TTLL10: variants seen among roughly 807,000 people sequenced by gnomAD.
TTLL10 encodes the protein inactive polyglycylase TTLL10.
TTLL10 carries 61 observed loss-of-function variants against 69.0 expected under a neutral mutation model. The observed-to-expected ratio is 0.88, with a 90% CI of 0.72 to 1.09. The LOEUF (loss-of-function observed/expected upper bound fraction) is 1.09, where lower values mean the gene tolerates loss of function less well. Among genes scored for constraint, TTLL10 ranks in the 50% least tolerant of loss-of-function variants. TTLL10 has a pLI of 0.00. For synonymous variants in TTLL10, 408 were observed against 393.3 expected, an observed-to-expected ratio of 1.04 and a Z score of -0.44; for missense variants, 962 against 945.9, an observed-to-expected ratio of 1.02 and a Z score of -0.22.
Position 1,181,302 on chromosome 1 carries a change from C to G in TTLL10, c.756-439C>G, listed in dbSNP as rs1213859853. 6.6e-6 allele frequency among the ~76,000 whole-genome samples: 1 copy of G among 151,950 alleles called. No individual in the cohort carries two copies. Among genetic ancestry groups the G allele is most frequent in the Non-Finnish European group, 1.5e-5 (1 of 67,988 alleles). ...ATCCAATCCATCCACAATCCCACAC[C>G]GTGCCCACCGTCACCTGTGGGTGCC... On this transcript the variant is annotated intron_variant, in intron 8 of 15. Coordinates refer to ENST00000379289, the MANE Select transcript of TTLL10 (RefSeq NM_001130045.2). The surrounding 1 kb of genome is among the most constrained non-coding windows in gnomAD (Gnocchi z 4.6).
rs1570413184 is a variant in TTLL10 at position 1,181,508 on chromosome 1, A to G, written c.756-233A>G. The stretch of plus-strand genomic sequence containing the variant: ...GCCAACCGCAGCTGCCTCCATCTGC[A>G]CCCCCCGCCCCTGGTTGCCTGTGAC... On this transcript the variant is annotated intron_variant, in intron 8 of 15. Coordinates refer to ENST00000379289, the MANE Select transcript of TTLL10 (RefSeq NM_001130045.2). This position sits in a 1 kb window ranked among gnomAD's most constrained non-coding sequence, Gnocchi z 4.6. 6.6e-6 allele frequency among the ~76,000 whole-genome samples: 1 copy of G among 150,696 alleles called. No individual in the cohort carries two copies. Among genetic ancestry groups the G allele is most frequent in the African/African-American group, 2.4e-5 (1 of 40,902 alleles).
chr1:1,179,639 G>A lies in TTLL10; in HGVS notation c.119-18G>A, dbSNP rs1344263056. 6.4e-7 allele frequency: 1 copy of A among 1,550,814 alleles called. No individual in the cohort carries two copies. Among genetic ancestry groups the A allele is most frequent in the Admixed American group, 2.0e-5 (1 of 50,994 alleles). On this transcript the variant is annotated intron_variant, in intron 4 of 15. Transcript: ENST00000379289. The stretch of plus-strand genomic sequence containing the variant: ...CACCCATGACATCATCATGGACATT[G>A]TGACCCCTGCCCTCCAGGGACCATC...
intron 3 of TTLL10, among the ~76,000 whole-genome samples, chr1:1,177,059 T>C (rs1041413683): frequency 2.0e-5 from 3 of 146,764 alleles, no homozygotes; most frequent in Non-Finnish European, 4.4e-5. Context: ...TGTGTGGGTG[T>C]CTGTGTGTGT....
At chr1:1,196,778 C>A (rs934578587) in intron 14 of TTLL10, 62 bp downstream of exon 14, 2 of 1,171,834 alleles carry the variant, frequency 1.7e-6, no homozygotes. Context: ...GCCATCTGTA[C>A]ACCCTGACCA....
chr1:1,185,362 C>A lies in TTLL10; in HGVS notation c.1401+253C>A, dbSNP rs1647241825. 1 of 1,349,690 alleles carries A rather than the reference C, an allele frequency of 7.4e-7. No homozygotes were observed. The highest frequency in any genetic ancestry group is 9.5e-7 in the Non-Finnish European group (1 of 1,053,818). The allele number at this position is 1,349,690 out of a possible 1,614,324, so 83.6% of individuals were successfully genotyped here. On this transcript the variant is annotated intron_variant, in intron 13 of 15. Coordinates refer to ENST00000379289, the MANE Select transcript of TTLL10 (RefSeq NM_001130045.2). The surrounding 1 kb of genome is among the most constrained non-coding windows in gnomAD (Gnocchi z 6.1). ...TGTCGGCACGAGTCCCGCGGGCAGCCTCGCCGTAGGGTCAGGGGACAGCTC... is the reference window on the plus strand; with the variant it reads ...TGTCGGCACGAGTCCCGCGGGCAGCATCGCCGTAGGGTCAGGGGACAGCTC...
chr1:1,193,937 C>G (rs1211449370), intron 13 of TTLL10, among the ~76,000 whole-genome samples: 1 of 152,062 alleles, frequency 6.6e-6, no homozygotes, highest in African/African-American at 2.4e-5. Flanking sequence ...GCAAGAAGAT[C>G]ATATGAGGCC....
At chr1:1,197,403 C>A (rs1186334713) in intron 15 of TTLL10, 35 bp from the exon 16 acceptor site, 2 of 1,129,432 alleles carry the variant, frequency 1.8e-6, no homozygotes, top group Non-Finnish European at 2.4e-6. Flanking sequence ...CCAGCCTCTG[C>A]CCCCCACTCA....
chr1:1,187,645 A>T (rs1647442946), intron 13 of TTLL10, among the ~76,000 whole-genome samples: 3 of 151,070 alleles, frequency 2.0e-5, no homozygotes. Context: ...ACAAAAAAAT[A>T]AAAATCCATT....
At chr1:1,194,308 G>A (rs984200820) in intron 13 of TTLL10, among the ~76,000 whole-genome samples, 3 of 152,134 alleles carry the variant, frequency 2.0e-5, no homozygotes, top group African/African-American at 4.8e-5. Context: ...ACAAATTACA[G>A]CTCAGTATAT....
chr1:1,184,880 G>C lies in TTLL10; in HGVS notation c.1261-89G>C, dbSNP rs561697709. On this transcript the variant is annotated intron_variant, in intron 12 of 15. Transcript: ENST00000379289. ...CCCCAGTTCATGCAGAAGCCTTCTA[G>C]GTTAGGGGGATGTTCTCTTGGGGAC... 3 of 482,814 alleles carry C rather than the reference G, an allele frequency of 6.2e-6. No homozygotes were observed. In the East Asian group the frequency reaches 1.1e-4, roughly 17 times the overall value. The allele number at this position is 482,814 out of a possible 1,614,324, so 29.9% of individuals were successfully genotyped here.
chr1:1,183,107 G>A (rs1647130886), intron 11 of TTLL10, 60 bp downstream of exon 11: 1 of 1,517,136 alleles, frequency 6.6e-7, no homozygotes, highest in African/African-American at 1.4e-5. Context: ...GGCCCCACTG[G>A]TGCAGTCAGC....
rs114641997 is a variant in TTLL10, at chr1:1,176,886, T to C, written c.-27-2303T>C. 5.7e-3 allele frequency among the ~76,000 whole-genome samples: 866 copies of C among 152,328 alleles called. 9 individuals are homozygous for C. The highest frequency in any genetic ancestry group is 0.019 in the African/African-American group (797 of 41,566). ...CCGGCTCTTTTGTATTCTCTGTGCC[T>C]TTGCTTTAAAAGCACGCGGCTCTCT... On this transcript the variant is annotated intron_variant, in intron 3 of 15. Coordinates refer to ENST00000379289, the MANE Select transcript of TTLL10 (RefSeq NM_001130045.2).
rs142849008 is a variant in TTLL10 at position 1,179,868 on chromosome 1, G to C, written c.199+131G>C. ...CCTCCCCAGATGTAAGCAGTCCCCA[G>C]GCCGCCTGGTGGGGCCAGAGCTCGG... On this transcript the variant is annotated intron_variant, in intron 5 of 15. Transcript: ENST00000379289. 1.4e-4 allele frequency: 195 copies of C among 1,441,364 alleles called. No individual in the cohort carries two copies. The African/African-American group carries it at 2.6e-3, about 19-fold the overall frequency. The allele number at this position is 1,441,364 out of a possible 1,614,324, so 89.3% of individuals were successfully genotyped here. A position where few individuals can be genotyped will look rare whatever the true frequency, so the allele number is the denominator to read the frequency against.
Position 1,173,988 on chromosome 1 carries a change from CT to C in TTLL10, c.-131+63del, listed in dbSNP as rs1332790804. 2.0e-5 allele frequency: 3 copies of C among 152,468 alleles called. No homozygotes were observed. Among genetic ancestry groups the C allele is most frequent in the African/African-American group, 7.2e-5 (3 of 41,466 alleles). The allele number at this position is 152,468 out of a possible 1,614,324, so 9.4% of individuals were successfully genotyped here. On this transcript the variant is annotated intron_variant, in intron 1 of 15. Coordinates refer to ENST00000379289, the MANE Select transcript of TTLL10 (RefSeq NM_001130045.2). This position sits in a 1 kb window ranked among gnomAD's most constrained non-coding sequence, Gnocchi z 4.1. ...GGGCTCGGCCCCGCCCTCCTACGCC[CT>C]GCCTGCGGGTCCCCTCGGGAGGCTG...
chr1:1,182,591 G>GCCCA, intron 10 of TTLL10, 145 bp downstream of exon 10: 1 of 936,098 alleles, frequency 1.1e-6, no homozygotes, highest in Non-Finnish European at 1.7e-6. Flanking sequence ...AAGGGGCCAG[G>GCCCA]GCTGGGCCTG....
chr1:1,185,772 G>A lies in TTLL10; in HGVS notation c.1401+663G>A, dbSNP rs948705694. ...GTGTGTCACTGTGGCTGGGACGGCA[G>A]CGCTCAGAGGAGCCTCCAGTTACTT... On this transcript the variant is annotated intron_variant, in intron 13 of 15. Coordinates refer to ENST00000379289, the MANE Select transcript of TTLL10 (RefSeq NM_001130045.2). This position sits in a 1 kb window ranked among gnomAD's most constrained non-coding sequence, Gnocchi z 6.1. 13 of 985,378 alleles carry A rather than the reference G, an allele frequency of 1.3e-5. No homozygotes were observed. In the African/African-American group the frequency reaches 1.9e-4, roughly 15 times the overall value. 61.0% of individuals were successfully genotyped at this position (985,378 alleles called of 1,614,324 possible). A position where few individuals can be genotyped will look rare whatever the true frequency, so the allele number is the denominator to read the frequency against.
intron 4 of TTLL10, 103 bp from the exon 5 acceptor site, chr1:1,179,554 C>A: frequency 6.6e-7 from 1 of 1,514,482 alleles, no homozygotes; most frequent in Non-Finnish European, 8.9e-7. Flanking sequence ...TTCCGCCTGG[C>A]TGGCACCACC....
intron 12 of TTLL10, 37 bp from the exon 13 acceptor site, chr1:1,184,932 G>C: frequency 6.5e-7 from 1 of 1,546,734 alleles, no homozygotes; most frequent in Non-Finnish European, 8.7e-7. Flanking sequence ...CCTCCGGACA[G>C]TCTGGGAGCC....
Position 1,196,700 on chromosome 1 carries a change from T to C in TTLL10, c.1502T>C (p.Ile501Thr), listed in dbSNP as rs1648236600. 1 of 1,551,666 alleles carries C rather than the reference T, an allele frequency of 6.4e-7. No individual in the cohort carries two copies. Among genetic ancestry groups the C allele is most frequent in the East Asian group, 2.4e-5 (1 of 40,930 alleles). ...GACCTCATTGGCTGTGACTTCCTGA[T>C]TGATGACAACTTCAAGGTGCTGTCC... ...YFDLIGCDFL[I>T]DDNFKVWLLE... Residue 501 changes from isoleucine (I) to threonine (T), a missense_variant, in exon 14 of 16, where the codon ATT (isoleucine) becomes ACT (threonine). Ile to Thr is a moderately conservative substitution (Grantham distance 89, BLOSUM62 -1). Coordinates refer to ENST00000379289, the MANE Select transcript of TTLL10 (RefSeq NM_001130045.2).
Sources: allele counts gnomAD v4.1 joint callset (sites outside exome capture counted in the v4.1 genomes callset), GRCh38; gene constraint gnomAD v4.1.1; non-coding constraint Gnocchi (gnomAD v3.1); transcripts MANE v1.5; gene names NCBI Gene and HGNC (gene_info 2026-07-23, HGNC 2026-07-21).